Variants in SLC30A10 observed in about 807,000 individuals in gnomAD.
SLC30A10 encodes the protein calcium/manganese antiporter SLC30A10.
In SLC30A10, 8 loss-of-function variants were observed where a neutral mutation model predicts 21.7. The observed-to-expected ratio is 0.37, with a 90% CI of 0.22 to 0.67. SLC30A10 has a LOEUF of 0.67. SLC30A10 is among the 30% of genes least tolerant of loss of function. The pLI, the probability that SLC30A10 is intolerant of heterozygous loss-of-function variation, is 0.58. For missense variants in SLC30A10, 521 were observed against 642.5 expected (o/e 0.81, Z 2.04); for synonymous variants, 272 against 279.4 (o/e 0.97, Z 0.26).
In SLC30A10 at chr1:219,927,675, C is replaced by CA. The variant is rs1659870215; in HGVS notation, c.640+125dup. 12 of 404,668 alleles carry CA rather than the reference C, an allele frequency of 3.0e-5. No individual in the cohort carries two copies. In the African/African-American group the frequency reaches 5.7e-4, roughly 19 times the overall value. The allele number at this position is 404,668 out of a possible 1,614,324, so 25.1% of individuals were successfully genotyped here. A position where few individuals can be genotyped will look rare whatever the true frequency, so the allele number is the denominator to read the frequency against. ...AAAAAAAAAAAAAAAAAAACAACAA[C>CA]AACAAAAAAAAAAAAACAGAAAAAA... On this transcript the variant is annotated intron_variant, in intron 1 of 3. Coordinates refer to ENST00000366926, the MANE Select transcript of SLC30A10 (RefSeq NM_018713.3).
intron 1 of SLC30A10, among the ~76,000 whole-genome samples, chr1:219,935,052 C>T (rs1660028730): frequency 6.6e-6 from 1 of 152,170 alleles, no homozygotes; most frequent in Non-Finnish European, 1.5e-5. Flanking sequence ...TCATCATTTA[C>T]TGATATCATT....
chr1:219,927,779 A>G, intron 1 of SLC30A10, 22 bp downstream of exon 1: 1 of 1,523,432 alleles, frequency 6.6e-7, no homozygotes. Context: ...CAAGCGGTCC[A>G]AAGGATGCAA....
rs1399962844 is a variant in SLC30A10, at chr1:219,927,650, A to AC, written c.640+150_640+151insG. The AC allele has an allele frequency of 1.2e-4, 62 of 532,214 alleles. No homozygotes were observed. The East Asian group carries it at 1.9e-3, about 16-fold the overall frequency. The allele number at this position is 532,214 out of a possible 1,614,324, so 33.0% of individuals were successfully genotyped here. On this transcript the variant is annotated intron_variant, in intron 1 of 3. Coordinates refer to ENST00000366926, the MANE Select transcript of SLC30A10 (RefSeq NM_018713.3). ...GGAATGGATTTATTAAAAAAAAAAA[A>AC]AAAAAAAAAAAAAAAAAACAACAAC...
intron 2 of SLC30A10, among the ~76,000 whole-genome samples, chr1:219,919,653 G>A (rs1202441941): frequency 1.3e-5 from 2 of 151,926 alleles, no homozygotes; most frequent in Admixed American, 6.6e-5. Flanking sequence ...GGGGGCATCT[G>A]TAATCCCAGC....
intron 1 of SLC30A10, among the ~76,000 whole-genome samples, chr1:219,955,563 A>T (rs924509533): frequency 2.6e-5 from 4 of 152,136 alleles, no homozygotes; most frequent in African/African-American, 4.8e-5. Flanking sequence ...AGTTTGTTCT[A>T]TTATATTTAA....
At chr1:219,920,253 T>A (rs1659646783) in intron 2 of SLC30A10, among the ~76,000 whole-genome samples, 1 of 152,156 alleles carries the variant, frequency 6.6e-6, no homozygotes, top group African/African-American at 2.4e-5. Context: ...AGCTTTTAAC[T>A]CCCCAGTCCC....
intron 2 of SLC30A10, among the ~76,000 whole-genome samples, chr1:219,919,371 A>G (rs1354092317): frequency 2.0e-5 from 3 of 152,164 alleles, no homozygotes; most frequent in Non-Finnish European, 4.4e-5. Flanking sequence ...CTTGCAATTC[A>G]AAGTATAGTT....
chr1:219,940,807 C>T (rs1300328294), intron 1 of SLC30A10, among the ~76,000 whole-genome samples: 3 of 152,128 alleles, frequency 2.0e-5, no homozygotes, highest in Non-Finnish European at 4.4e-5. Context: ...TGAGTCCAGG[C>T]CTGGGTCGAT....
chr1:219,950,677 T>G (rs1365235439), intron 1 of SLC30A10, among the ~76,000 whole-genome samples: 1 of 151,696 alleles, frequency 6.6e-6, no homozygotes, highest in Non-Finnish European at 1.5e-5. Flanking sequence ...AGGCTGGGCG[T>G]GTTGGCTCAT....
In SLC30A10 at chr1:219,927,008, A is replaced by G; in HGVS notation, c.718+20T>C. The stretch of plus-strand genomic sequence containing the variant: ...TGTGTCATAGAAAGGGATTTCAAAT[A>G]GGCCCAAAGTCAATCCTACCTCTGA... On this transcript the variant is annotated intron_variant, in intron 2 of 3. Coordinates refer to ENST00000366926, the MANE Select transcript of SLC30A10 (RefSeq NM_018713.3). 6.4e-7 allele frequency: 1 copy of G among 1,571,290 alleles called. No homozygotes were observed. Among genetic ancestry groups the G allele is most frequent in the Non-Finnish European group, 8.7e-7 (1 of 1,143,156 alleles).
rs147394625 is a variant in SLC30A10 at position 219,950,238 on chromosome 1, C to T, written n.80+8330G>A. On this transcript the variant is annotated intron_variant and non_coding_transcript_variant, in intron 1 of 8. Coordinates refer to the SLC30A10 transcript ENST00000484239. Reference sequence around the variant, plus strand: ...TGAGCTACATATTGACATTGCATTACCATTAAAGCAGTTTAAAATATGTAG... The same window carrying T: ...TGAGCTACATATTGACATTGCATTATCATTAAAGCAGTTTAAAATATGTAG... 3.2e-3 allele frequency among the ~76,000 whole-genome samples: 481 copies of T among 152,322 alleles called. 2 individuals carry two copies. The highest frequency in any genetic ancestry group is 5.3e-3 in the Non-Finnish European group (360 of 68,034).
rs1196263951 is a variant in SLC30A10 at position 219,949,504 on chromosome 1, AG to A, written n.80+9063del. On this transcript the variant is annotated intron_variant and non_coding_transcript_variant, in intron 1 of 8. Coordinates refer to the SLC30A10 transcript ENST00000484239. Reference sequence around the variant, plus strand: ...CCATCATTCTCAGTAAACTATCGCAAGAACAAAAAACCAAACACCGCATATT... The same window carrying A: ...CCATCATTCTCAGTAAACTATCGCAAAACAAAAAACCAAACACCGCATATT... Among the ~76,000 whole-genome samples the A allele has an allele frequency of 1.1e-4, 16 of 152,154 alleles. No homozygotes were observed. The East Asian group carries it at 2.9e-3, about 27-fold the overall frequency.
At chr1:219,936,541 T>C (rs1571808151) in intron 1 of SLC30A10, among the ~76,000 whole-genome samples, 1 of 152,148 alleles carries the variant, frequency 6.6e-6, no homozygotes, top group African/African-American at 2.4e-5. Context: ...CTGATCACAA[T>C]GCTTGGTTCA....
chr1:219,929,716 T>G (rs1429007708), upstream of SLC30A10, among the ~76,000 whole-genome samples: 5 of 152,164 alleles, frequency 3.3e-5, no homozygotes, highest in Non-Finnish European at 5.9e-5. Context: ...GAGACAGGGT[T>G]TCACCATGTT....
chr1:219,945,505 T>C (rs1222478143), intron 1 of SLC30A10, among the ~76,000 whole-genome samples: 1 of 152,086 alleles, frequency 6.6e-6, no homozygotes, highest in Non-Finnish European at 1.5e-5. Flanking sequence ...TAAATGAAGG[T>C]AAATCTGAAA....
upstream of SLC30A10, among the ~76,000 whole-genome samples, chr1:219,928,972 A>G (rs1383070790): frequency 6.6e-6 from 1 of 152,224 alleles, no homozygotes; most frequent in Admixed American, 6.5e-5. This position sits in a 1 kb window ranked among gnomAD's most constrained non-coding sequence, Gnocchi z 6.3. Flanking sequence ...GTACGTGCCC[A>G]TAGGCACCTT....
rs555639984 is a variant in SLC30A10, at chr1:219,953,427, T to A, written n.80+5141A>T. 7.2e-5 allele frequency among the ~76,000 whole-genome samples: 11 copies of A among 151,794 alleles called. 1 individual carries two copies. The East Asian group carries it at 1.4e-3, about 19-fold the overall frequency. ...CTGGCTAACACGGTGAAACTCCGTC[T>A]CTACTAAAAATACAAAAAATTAGCC... On this transcript the variant is annotated intron_variant and non_coding_transcript_variant, in intron 1 of 8. Transcript: ENST00000484239.
At chr1:219,933,742 G>C (rs114317174) in intron 1 of SLC30A10, among the ~76,000 whole-genome samples, 1 of 152,172 alleles carries the variant, frequency 6.6e-6, no homozygotes, top group Admixed American at 6.5e-5. Context: ...CAAAGGATTC[G>C]CTAAGGATTA....
upstream of SLC30A10, among the ~76,000 whole-genome samples, chr1:219,928,961 C>T (rs1659920484): frequency 6.6e-6 from 1 of 152,228 alleles, no homozygotes; most frequent in South Asian, 2.1e-4. The surrounding 1 kb of genome is among the most constrained non-coding windows in gnomAD (Gnocchi z 6.3). Flanking sequence ...GACACCTTCG[C>T]GTACGTGCCC....
Sources: gnomAD v4.1 joint callset for allele counts (sites outside exome capture counted in the v4.1 genomes callset) on GRCh38, gnomAD v4.1.1 for gene constraint, Gnocchi (gnomAD v3.1) non-coding constraint, MANE v1.5 for transcripts, NCBI Gene and HGNC (gene_info 2026-07-23, HGNC 2026-07-21) for gene names.